Variants in DLG2 observed in about 807,000 individuals in gnomAD.
The protein encoded by DLG2 is disks large homolog 2.
In DLG2, 45 loss-of-function variants were observed where a neutral mutation model predicts 132.5. The observed-to-expected ratio is 0.34, with a 90% CI of 0.27 to 0.44. DLG2 has a LOEUF of 0.44. DLG2 is among the 20% of genes least tolerant of loss of function. The probability of loss-of-function intolerance (pLI) is 1.00; values close to 1 mark genes in which losing one functional copy is unlikely to be tolerated. For synonymous variants in DLG2, 424 were observed against 419.6 expected (o/e 1.01, Z -0.13); for missense variants, 1,045 against 1,196.9 (o/e 0.87, Z 1.87).
intron 7 of DLG2, among the ~76,000 whole-genome samples, chr11:84,305,198 T>C (rs1343879033): frequency 1.5e-4 from 23 of 152,272 alleles, no homozygotes; most frequent in Admixed American, 4.6e-4. Context: ...ATAATGATGC[T>C]ACAAAAATGA....
intron 18 of DLG2, among the ~76,000 whole-genome samples, chr11:83,659,137 T>C (rs2073570649): frequency 6.6e-6 from 1 of 152,234 alleles, no homozygotes; most frequent in East Asian, 1.9e-4. Flanking sequence ...ATAACAGTCA[T>C]TATAATGGCC....
At chr11:83,460,888 G>C (rs1171168476) in intron 27 of DLG2, among the ~76,000 whole-genome samples, 2 of 151,508 alleles carry the variant, frequency 1.3e-5, no homozygotes, top group East Asian at 3.9e-4. Context: ...AATATTACCT[G>C]ATTCAAGATA....
intron 11 of DLG2, among the ~76,000 whole-genome samples, chr11:83,987,748 A>G (rs2093430448): frequency 6.6e-6 from 1 of 152,150 alleles, no homozygotes; most frequent in East Asian, 1.9e-4. Flanking sequence ...AAAACCCTAG[A>G]AGAAAACCTA....
intron 18 of DLG2, chr11:83,682,008 G>C: frequency 3.0e-6 from 1 of 335,908 alleles, no homozygotes; most frequent in Non-Finnish European, 4.2e-6. Context: ...CATCTTTTAA[G>C]CTATTTTGCT....
intron 9 of DLG2, among the ~76,000 whole-genome samples, chr11:84,139,125 C>T (rs1411524703): frequency 1.3e-5 from 2 of 152,084 alleles, no homozygotes; most frequent in Non-Finnish European, 2.9e-5. Flanking sequence ...TTTATGATAG[C>T]TTGCCCTGAT....
chr11:85,516,383 G>A (rs1212650479), intron 3 of DLG2, among the ~76,000 whole-genome samples: 8 of 151,856 alleles, frequency 5.3e-5, no homozygotes, highest in Non-Finnish European at 4.4e-5. Flanking sequence ...TGCACCTCAA[G>A]GACCCAGAAG....
At chr11:85,401,966 T>C (rs540526824) in intron 3 of DLG2, among the ~76,000 whole-genome samples, 1 of 119,102 alleles carries the variant, frequency 8.4e-6, no homozygotes, top group East Asian at 2.3e-4. Flanking sequence ...CCACTGACTT[T>C]CTTCAGAGAA....
At chr11:83,485,395 A>G (rs2093437226) in intron 21 of DLG2, among the ~76,000 whole-genome samples, 1 of 152,138 alleles carries the variant, frequency 6.6e-6, no homozygotes. Context: ...GGTCTTACTA[A>G]TTTCATATTC....
At chr11:84,722,179 C>G (rs985694571) in intron 6 of DLG2, among the ~76,000 whole-genome samples, 1 of 152,178 alleles carries the variant, frequency 6.6e-6, no homozygotes, top group African/African-American at 2.4e-5. Flanking sequence ...CCAGGACTGT[C>G]ACATTTACAT....
chr11:85,149,798 T>C (rs1252241954), intron 5 of DLG2, among the ~76,000 whole-genome samples: 1 of 152,042 alleles, frequency 6.6e-6, no homozygotes, highest in Non-Finnish European at 1.5e-5. Context: ...CTTGACCAGA[T>C]GGAATGAGCT....
intron 7 of DLG2, among the ~76,000 whole-genome samples, chr11:84,515,413 T>C (rs1283305680): frequency 6.6e-6 from 1 of 151,280 alleles, no homozygotes; most frequent in Non-Finnish European, 1.5e-5. Flanking sequence ...TTTATGCATA[T>C]GAAAATCAAA....
intron 19 of DLG2, among the ~76,000 whole-genome samples, chr11:83,542,597 C>T (rs1000566692): frequency 2.6e-5 from 4 of 152,172 alleles, no homozygotes; most frequent in Admixed American, 2.0e-4. Flanking sequence ...CTTTCTGTAT[C>T]ATGCTGCCCC....
chr11:85,560,862 T>A (rs1031963569), intron 3 of DLG2, among the ~76,000 whole-genome samples: 58 of 150,688 alleles, frequency 3.8e-4, no homozygotes, highest in African/African-American at 1.2e-3. Flanking sequence ...TGAGATATCG[T>A]CTCTACAAAA....
chr11:84,938,792 A>G (rs2049045165), intron 6 of DLG2, among the ~76,000 whole-genome samples: 1 of 152,284 alleles, frequency 6.6e-6, no homozygotes, highest in African/African-American at 2.4e-5. Context: ...AATGAGAGCA[A>G]TAAGGTTATT....
intron 18 of DLG2, among the ~76,000 whole-genome samples, chr11:83,679,598 A>T (rs1283162946): frequency 6.6e-6 from 1 of 152,222 alleles, no homozygotes; most frequent in Non-Finnish European, 1.5e-5. Context: ...TATCTGGTTA[A>T]TTTAAAAAAT....
At chr11:83,986,097 TG>T (rs1048350623) in intron 11 of DLG2, among the ~76,000 whole-genome samples, 140 of 152,090 alleles carry the variant, frequency 9.2e-4, no homozygotes, top group African/African-American at 3.3e-3. Flanking sequence ...TTAGGGTACA[TG>T]TGCACAATGT....
At chr11:85,436,444 A>T (rs780937697) in intron 3 of DLG2, among the ~76,000 whole-genome samples, 44 of 152,200 alleles carry the variant, frequency 2.9e-4, no homozygotes, top group South Asian at 2.1e-4. Context: ...ATGTACAAGG[A>T]ACTTAAACAA....
rs187041026 is a variant in DLG2, at chr11:84,096,928, T to A, written c.749+1995A>T. Among the ~76,000 whole-genome samples the A allele has an allele frequency of 2.2e-4, 33 of 151,918 alleles. No homozygotes were observed. In the East Asian group the frequency reaches 5.6e-3, roughly 26 times the overall value. On this transcript the variant is annotated intron_variant, in intron 10 of 27. Transcript: ENST00000376104. The stretch of plus-strand genomic sequence containing the variant: ...AAAAAAAAAAATGTGATTCTCTTCA[T>A]CAAGCTGTAAACATGCAGCTGTCAA...
At chr11:85,074,774 A>C (rs925518346) in intron 6 of DLG2, among the ~76,000 whole-genome samples, 1 of 151,866 alleles carries the variant, frequency 6.6e-6, no homozygotes, top group Non-Finnish European at 1.5e-5. Flanking sequence ...TGTGCGGAGG[A>C]ACCATGACTG....
Sources: gnomAD v4.1 joint callset for allele counts (sites outside exome capture counted in the v4.1 genomes callset) on GRCh38, gnomAD v4.1.1 for gene constraint, MANE v1.5 for transcripts, NCBI Gene and HGNC (gene_info 2026-07-23, HGNC 2026-07-21) for gene names.